Variants in SCD5 observed in about 807,000 individuals in gnomAD.
SCD5 encodes the protein stearoyl-CoA desaturase 5.
SCD5 carries 20 observed loss-of-function variants against 30.4 expected under a neutral mutation model. The observed-to-expected ratio is 0.66, with a 90% CI of 0.46 to 0.96. The LOEUF is 0.96. SCD5 is among the 40% of genes least tolerant of loss of function. The probability of loss-of-function intolerance (pLI) is 0.00; values close to 1 mark genes in which losing one functional copy is unlikely to be tolerated. For missense variants in SCD5, 381 were observed against 443.3 expected (o/e 0.86, Z 1.26); for synonymous variants, 173 against 176.4 (o/e 0.98, Z 0.16).
intron 1 of SCD5, among the ~76,000 whole-genome samples, chr4:82,792,976 A>G (rs778012991): frequency 6.6e-6 from 1 of 152,166 alleles, no homozygotes; most frequent in Non-Finnish European, 1.5e-5. Context: ...ACCTCAATCT[A>G]TGTTCATACT....
intron 2 of SCD5, among the ~76,000 whole-genome samples, chr4:82,699,293 C>T (rs1005732760): frequency 5.3e-5 from 8 of 152,172 alleles, no homozygotes; most frequent in Non-Finnish European, 1.0e-4. Flanking sequence ...CACATAAATC[C>T]GAATGTCCTT....
chr4:82,746,112 C>T (rs1720976368), intron 1 of SCD5, among the ~76,000 whole-genome samples: 1 of 152,142 alleles, frequency 6.6e-6, no homozygotes, highest in South Asian at 2.1e-4. Flanking sequence ...AAACTGTTAC[C>T]CACAGTCCAA....
intron 3 of SCD5, among the ~76,000 whole-genome samples, chr4:82,653,918 A>AT (rs34178799): frequency 0.18 from 26,833 of 146,594 alleles, 2,456 homozygotes; most frequent in East Asian, 0.36. Context: ...GTCAATGAGT[A>AT]TTTTTTTTTT....
chr4:82,668,655 A>G (rs1728242335), intron 3 of SCD5, among the ~76,000 whole-genome samples: 1 of 152,198 alleles, frequency 6.6e-6, no homozygotes, highest in African/African-American at 2.4e-5. Flanking sequence ...GATACCAAAG[A>G]GCTGAGCTCT....
chr4:82,718,085 A>AT (rs1720271323), intron 1 of SCD5, among the ~76,000 whole-genome samples: 1 of 149,052 alleles, frequency 6.7e-6, no homozygotes, highest in Non-Finnish European at 1.5e-5. Flanking sequence ...TTTTTTTTAA[A>AT]AAAAAAAAAA....
chr4:82,696,696 C>A (rs953534), intron 2 of SCD5, among the ~76,000 whole-genome samples: 53,524 of 151,996 alleles, frequency 0.35, 10,178 homozygotes, highest in Middle Eastern at 0.52. Context: ...GGGGAGAAAT[C>A]ATCCAAAATG....
chr4:82,704,327 A>G (rs997864129), intron 2 of SCD5, among the ~76,000 whole-genome samples: 1 of 152,160 alleles, frequency 6.6e-6, no homozygotes, highest in African/African-American at 2.4e-5. Flanking sequence ...TTTCGCAATC[A>G]CCATTCCTTC....
intron 3 of SCD5, among the ~76,000 whole-genome samples, chr4:82,672,378 C>T (rs79459881): frequency 0.011 from 1,722 of 152,120 alleles, 34 homozygotes; most frequent in African/African-American, 0.039. Flanking sequence ...CCCTACAGAT[C>T]CCATGGATAT....
chr4:82,723,632 T>G (rs998526250), intron 1 of SCD5, among the ~76,000 whole-genome samples: 21 of 152,320 alleles, frequency 1.4e-4, no homozygotes, highest in Admixed American at 3.3e-4. Flanking sequence ...ATTGACACCT[T>G]CTGATGATGA....
At chr4:82,718,079 T>A (rs200557349) in intron 1 of SCD5, among the ~76,000 whole-genome samples, 16,595 of 59,890 alleles carry the variant, frequency 0.28, 1,137 homozygotes, top group African/African-American at 0.47. Context: ...CACCTTTTTT[T>A]TTTAAAAAAA....
intron 4 of SCD5, among the ~76,000 whole-genome samples, chr4:82,631,963 A>T (rs1052462626): frequency 6.6e-6 from 1 of 152,162 alleles, no homozygotes; most frequent in East Asian, 1.9e-4. Context: ...TCTAGAATGT[A>T]CTTATATATT....
rs140609077 is a variant in SCD5 at position 82,724,930 on chromosome 4, G to C, written c.233-19517C>G. On this transcript the variant is annotated intron_variant, in intron 1 of 4. Coordinates refer to ENST00000319540, the MANE Select transcript of SCD5 (RefSeq NM_001037582.3). Reference sequence around the variant, plus strand: ...TGTTTTTCCTAATGAACATAATAAAGGTAACTATTAATAAGAAACAATTTT... The same window carrying C: ...TGTTTTTCCTAATGAACATAATAAACGTAACTATTAATAAGAAACAATTTT... 1.9e-4 allele frequency among the ~76,000 whole-genome samples: 29 copies of C among 152,128 alleles called. No individual in the cohort carries two copies. The East Asian group carries it at 5.6e-3, about 29-fold the overall frequency.
chr4:82,754,024 C>T (rs191279443), intron 1 of SCD5, among the ~76,000 whole-genome samples: 140 of 152,222 alleles, frequency 9.2e-4, no homozygotes, highest in Admixed American at 1.5e-3. Flanking sequence ...CACAAGATAA[C>T]GCAGTCTCTT....
intron 1 of SCD5, among the ~76,000 whole-genome samples, chr4:82,732,161 T>C (rs1486982130): frequency 5.3e-5 from 8 of 152,060 alleles, no homozygotes; most frequent in African/African-American, 1.9e-4. Flanking sequence ...AGTGCAGTGG[T>C]GTGATCTCAG....
intron 1 of SCD5, among the ~76,000 whole-genome samples, chr4:82,757,466 GC>G (rs993654777): frequency 1.3e-5 from 2 of 152,150 alleles, no homozygotes; most frequent in Non-Finnish European, 2.9e-5. Context: ...GAATTGAATT[GC>G]CCCCGTGAGG....
At chr4:82,645,962 C>T (rs1394247017) in intron 3 of SCD5, among the ~76,000 whole-genome samples, 1 of 152,128 alleles carries the variant, frequency 6.6e-6, no homozygotes. Flanking sequence ...CTTTGCTAAC[C>T]CTAAACACAG....
At chr4:82,645,658 C>A (rs186550207) in intron 3 of SCD5, among the ~76,000 whole-genome samples, 1 of 152,190 alleles carries the variant, frequency 6.6e-6, no homozygotes, top group South Asian at 2.1e-4. Context: ...TTTACACAAT[C>A]AAATGCCATT....
At chr4:82,730,328 C>A (rs1308950257) in intron 1 of SCD5, among the ~76,000 whole-genome samples, 6 of 149,114 alleles carry the variant, frequency 4.0e-5, no homozygotes, top group African/African-American at 1.5e-4. Flanking sequence ...GGCAGAGTCT[C>A]GCTCTGTCAC....
At chr4:82,796,883 A>G (rs1052397570) in intron 1 of SCD5, among the ~76,000 whole-genome samples, 20 of 152,224 alleles carry the variant, frequency 1.3e-4, no homozygotes, top group Admixed American at 5.2e-4. Context: ...CATAAAGGTG[A>G]TGGTGAAAAG....
Sources: allele counts gnomAD v4.1 joint callset (sites outside exome capture counted in the v4.1 genomes callset), GRCh38; gene constraint gnomAD v4.1.1; transcripts MANE v1.5; gene names NCBI Gene and HGNC (gene_info 2026-07-23, HGNC 2026-07-21).